The following TSHR variants were observed in gnomAD, a reference collection of about 807,000 sequenced individuals.
TSHR encodes thyrotropin receptor.
TSHR carries 51 observed loss-of-function variants against 64.1 expected under a neutral mutation model. The observed-to-expected ratio is 0.80, with a 90% CI of 0.64 to 1.01. The LOEUF (loss-of-function observed/expected upper bound fraction) is 1.01. Among genes scored for constraint, TSHR ranks in the 50% least tolerant of loss-of-function variants. TSHR has a pLI of 0.00. For missense variants in TSHR, 877 were observed against 942.8 expected (o/e 0.93, Z 0.91); for synonymous variants, 361 against 361.9 (o/e 1.00, Z 0.03).
chr14:81,092,587 T>C lies in TSHR; in HGVS notation c.524T>C (p.Leu175Pro), dbSNP rs1361711357. Residue 175 changes from leucine to proline, a missense_variant, in exon 6 of 10, where the codon CTA (leucine) becomes CCA (proline). By Grantham distance (98) the Leu-to-Pro change is moderately conservative. Transcript: ENST00000298171. ...TSIPVNAFQG[L>P]CNETLTLKLY... is the part of the protein sequence containing the mutation. The stretch of plus-strand genomic sequence containing the variant: ...ATCCCTGTGAATGCTTTTCAGGGAC[T>C]ATGCAATGAAACCTTGACACTGTGA... The C allele has an allele frequency of 3.1e-6, 5 of 1,614,062 alleles. No homozygotes were observed. The highest frequency in any genetic ancestry group is 4.2e-6 in the Non-Finnish European group (5 of 1,179,976).
At chr14:81,124,532 T>C (rs1890938282) in intron 8 of TSHR, among the ~76,000 whole-genome samples, 1 of 152,156 alleles carries the variant, frequency 6.6e-6, no homozygotes, top group South Asian at 2.1e-4. Flanking sequence ...ATTTTTCTAA[T>C]ATAAAAATTT....
In TSHR at chr14:81,145,948, G is replaced by A. The variant is rs1352043399; in HGVS notation, c.*1595G>A. On this transcript the variant is annotated 3_prime_UTR_variant, in exon 10 of 10. Coordinates refer to ENST00000298171, the MANE Select transcript of TSHR (RefSeq NM_000369.5). ...TAAGATTGTGAAGTGTCGTTAATGGGTCCCCACAGATGGTCCCTGCTGGAC... is the reference window on the plus strand; with the variant it reads ...TAAGATTGTGAAGTGTCGTTAATGGATCCCCACAGATGGTCCCTGCTGGAC... 2 of 232,050 alleles carry A rather than the reference G, an allele frequency of 8.6e-6. No individual in the cohort carries two copies. Among genetic ancestry groups the A allele is most frequent in the Non-Finnish European group, 1.7e-5 (2 of 117,426 alleles). 14.4% of individuals were successfully genotyped at this position (232,050 alleles called of 1,614,324 possible).
chr14:81,044,087 G>T (rs147717238), intron 1 of TSHR, among the ~76,000 whole-genome samples: 1 of 152,022 alleles, frequency 6.6e-6, no homozygotes, highest in South Asian at 2.1e-4. Flanking sequence ...TTGACAAATG[G>T]GATCTAATTA....
intron 1 of TSHR, chr14:81,032,619 G>A: frequency 2.3e-6 from 1 of 440,362 alleles, no homozygotes. Context: ...GTTTGAACTA[G>A]CCAAGGACTG....
chr14:80,959,965 C>A (rs1054135704), intron 1 of TSHR, among the ~76,000 whole-genome samples: 2 of 152,096 alleles, frequency 1.3e-5, no homozygotes, highest in Non-Finnish European at 2.9e-5. Context: ...TAAGAGGTAA[C>A]CAGAAAACTA....
At chr14:81,041,983 T>TA in intron 1 of TSHR, among the ~76,000 whole-genome samples, 1 of 152,132 alleles carries the variant, frequency 6.6e-6, no homozygotes, top group Non-Finnish European at 1.5e-5. Context: ...AATCTGATTT[T>TA]AAAATGGGCA....
intron 1 of TSHR, among the ~76,000 whole-genome samples, chr14:81,046,134 G>A (rs2139856681): frequency 6.6e-6 from 1 of 152,298 alleles, no homozygotes; most frequent in African/African-American, 2.4e-5. Flanking sequence ...CCCAAAGAGG[G>A]AAATTGGTGG....
chr14:80,973,478 G>T (rs1447271254), intron 1 of TSHR, among the ~76,000 whole-genome samples: 1 of 146,294 alleles, frequency 6.8e-6, no homozygotes, highest in East Asian at 2.0e-4. Flanking sequence ...ATACTTTCCC[G>T]TGTCGAAAGG....
intron 3 of TSHR, among the ~76,000 whole-genome samples, chr14:81,084,501 A>G (rs576708952): frequency 6.6e-6 from 1 of 152,306 alleles, no homozygotes; most frequent in African/African-American, 2.4e-5. Context: ...GTGAATTACT[A>G]TAAGAAATAG....
At chr14:81,140,200 G>A (rs1286178068) in intron 9 of TSHR, among the ~76,000 whole-genome samples, 2 of 152,160 alleles carry the variant, frequency 1.3e-5, no homozygotes, top group Non-Finnish European at 2.9e-5. Flanking sequence ...ATTAGATACT[G>A]CAACACATAT....
intron 1 of TSHR, among the ~76,000 whole-genome samples, chr14:80,986,474 T>G (rs1484392819): frequency 1.3e-5 from 2 of 150,006 alleles, no homozygotes; most frequent in African/African-American, 2.5e-5. Context: ...TCATTCTTTT[T>G]TTTGTTTGTT....
chr14:80,969,495 C>T (rs1411688408), intron 1 of TSHR, among the ~76,000 whole-genome samples: 7 of 152,178 alleles, frequency 4.6e-5, no homozygotes, highest in African/African-American at 1.4e-4. Flanking sequence ...AATCAAACTG[C>T]CACCAAATGA....
intron 1 of TSHR, among the ~76,000 whole-genome samples, chr14:81,016,859 T>C (rs1323703454): frequency 2.6e-5 from 4 of 152,324 alleles, no homozygotes; most frequent in South Asian, 2.1e-4. Flanking sequence ...ATATACAGTT[T>C]TCCTAACACC....
intron 1 of TSHR, chr14:80,983,198 T>A (rs770889838): frequency 2.1e-5 from 25 of 1,199,604 alleles, no homozygotes; most frequent in Admixed American, 2.4e-5. Context: ...AATGCAAAAT[T>A]GAATTACATG....
chr14:81,036,464 C>T (rs542717296), intron 1 of TSHR, among the ~76,000 whole-genome samples: 54 of 151,964 alleles, frequency 3.6e-4, no homozygotes, highest in South Asian at 2.1e-3. Flanking sequence ...GGTGGGGGTG[C>T]GGGGGAACTG....
chr14:81,128,385 T>C (rs1891101696), intron 8 of TSHR, among the ~76,000 whole-genome samples: 1 of 152,174 alleles, frequency 6.6e-6, no homozygotes, highest in Non-Finnish European at 1.5e-5. Context: ...AGAAATTCAG[T>C]ATTAACTAAC....
rs1888118485 is a variant in TSHR at position 81,084,227 on chromosome 14, C to T, written c.318-3727C>T. Among the ~76,000 whole-genome samples, 4 of 152,186 alleles carry T rather than the reference C, an allele frequency of 2.6e-5. No individual in the cohort carries two copies. In the South Asian group the frequency reaches 8.3e-4, roughly 32 times the overall value. ...TATTTCCCCAACAAAGAAAAAGAGC[C>T]TCGCTCCATAAAACAGCATACTTAA... On this transcript the variant is annotated intron_variant, in intron 3 of 9. Transcript: ENST00000298171.
rs912555953 is a variant in TSHR at position 81,130,509 on chromosome 14, C to CTCT, written c.693-9155_693-9153dup. Among the ~76,000 whole-genome samples, 5 of 152,146 alleles carry CTCT rather than the reference C, an allele frequency of 3.3e-5. No homozygotes were observed. The South Asian group carries it at 8.3e-4, about 25-fold the overall frequency. Reference sequence around the variant, plus strand: ...GTTCCTTCCTACTCTGTTTTTCTAGCTCTTCTTCTTCTTCTTCCTGATCTC... The same window carrying CTCT: ...GTTCCTTCCTACTCTGTTTTTCTAGCTCTTCTTCTTCTTCTTCTTCCTGATCTC... On this transcript the variant is annotated intron_variant, in intron 8 of 9. Transcript: ENST00000298171.
At chr14:81,053,184 A>G (rs2139871224) in intron 1 of TSHR, 1 of 152,304 alleles carries the variant, frequency 6.6e-6, no homozygotes, top group East Asian at 1.9e-4. Context: ...TCCAAGTCTG[A>G]AAGCAAAGAA....
Sources: gnomAD v4.1 joint callset for allele counts (sites outside exome capture counted in the v4.1 genomes callset) on GRCh38, gnomAD v4.1.1 for gene constraint, MANE v1.5 for transcripts, NCBI Gene and HGNC (gene_info 2026-07-23, HGNC 2026-07-21) for gene names.